CD44: variants seen among roughly 807,000 people sequenced by gnomAD.
The protein encoded by CD44 is CD44 molecule (IN blood group).
In CD44, 49 loss-of-function variants were observed where a neutral mutation model predicts 88.8. The observed-to-expected ratio is 0.55, with a 90% CI of 0.44 to 0.70. The LOEUF is 0.70. Among genes scored for constraint, CD44 ranks in the 30% least tolerant of loss-of-function variants. CD44 has a pLI of 0.00. For missense variants in CD44, 883 were observed against 913.8 expected (o/e 0.97, Z 0.43); for synonymous variants, 325 against 312.3 (o/e 1.04, Z -0.43).
intron 1 of CD44, among the ~76,000 whole-genome samples, chr11:35,144,293 G>A (rs546427109): frequency 2.0e-5 from 3 of 152,324 alleles, no homozygotes; most frequent in South Asian, 2.1e-4. Context: ...GAGCCTGAAA[G>A]GGAAGTGGTT....
At position 35,180,514 on chromosome 11, in the gene CD44, C is replaced by T. The variant is rs1006591952; in HGVS notation, c.367+107C>T. ...GTAGCCTCCATTTACATAACAAATGCTCACTGAATATCTGTACAGCAGAGC... is the reference window on the plus strand; with the variant it reads ...GTAGCCTCCATTTACATAACAAATGTTCACTGAATATCTGTACAGCAGAGC... On this transcript the variant is annotated intron_variant, in intron 3 of 17. Coordinates refer to ENST00000428726, the MANE Select transcript of CD44 (RefSeq NM_000610.4). The T allele has an allele frequency of 7.4e-6, 9 of 1,220,376 alleles. 1 individual carries two copies. Among genetic ancestry groups the T allele is most frequent in the Non-Finnish European group, 1.1e-5 (9 of 838,908 alleles). 75.6% of individuals were successfully genotyped at this position (1,220,376 alleles called of 1,614,324 possible). A position where few individuals can be genotyped will look rare whatever the true frequency, so the allele number is the denominator to read the frequency against.
At chr11:35,139,738 A>G (rs75624136) in intron 1 of CD44, 48,042 of 512,470 alleles carry the variant, frequency 0.094, 3,196 homozygotes, top group South Asian at 0.2. Context: ...GCCAAGCCCC[A>G]CCGGGCTGTG....
intron 1 of CD44, among the ~76,000 whole-genome samples, chr11:35,168,103 C>A (rs1324194155): frequency 2.0e-5 from 3 of 152,162 alleles, no homozygotes; most frequent in African/African-American, 4.8e-5. Context: ...TTGGTAAAGG[C>A]CCCTATCTTG....
chr11:35,172,182 C>T (rs539366794), intron 1 of CD44, among the ~76,000 whole-genome samples: 1 of 152,296 alleles, frequency 6.6e-6, no homozygotes, highest in African/African-American at 2.4e-5. Flanking sequence ...TCCACTTTTG[C>T]TTTGACTGGA....
intron 7 of CD44, among the ~76,000 whole-genome samples, chr11:35,199,547 G>A (rs1001218471): frequency 1.3e-5 from 2 of 151,210 alleles, no homozygotes; most frequent in Admixed American, 1.3e-4. Flanking sequence ...GAGAAGAAAG[G>A]GTCCAGAAAA....
intron 3 of CD44, among the ~76,000 whole-genome samples, chr11:35,183,064 A>C (rs1003753561): frequency 6.6e-6 from 1 of 152,212 alleles, no homozygotes; most frequent in African/African-American, 2.4e-5. Flanking sequence ...GGGTTAGTTC[A>C]GTTGAAAAGC....
intron 1 of CD44, 87 bp downstream of exon 1, chr11:35,139,457 C>T: frequency 8.5e-7 from 1 of 1,175,438 alleles, no homozygotes; most frequent in South Asian, 1.3e-5. Context: ...TGAGTCGGCC[C>T]TGGGGGACTG....
rs1400900475 is a variant in CD44 at position 35,139,258 on chromosome 11, A to T, written c.-46A>T. 1.3e-6 allele frequency: 2 copies of T among 1,499,168 alleles called. No individual in the cohort carries two copies. Among genetic ancestry groups the T allele is most frequent in the Admixed American group, 2.0e-5 (1 of 50,894 alleles). 92.9% of individuals were successfully genotyped at this position (1,499,168 alleles called of 1,614,324 possible). On this transcript the variant is annotated 5_prime_UTR_variant, in exon 1 of 18. Coordinates refer to ENST00000428726, the MANE Select transcript of CD44 (RefSeq NM_000610.4). ...GCCGGCCCCTGCCCCGCGCCCAGGG[A>T]TCCTCCAGCTCCTTTCGCCCGCGCC...
At chr11:35,222,616 T>TATAC (rs1491118809) in intron 17 of CD44, 6 of 554,392 alleles carry the variant, frequency 1.1e-5, no homozygotes, top group Admixed American at 6.7e-5. Flanking sequence ...TATATATATA[T>TATAC]ACACATACAT....
chr11:35,191,981 T>G (rs1431638022), intron 5 of CD44, among the ~76,000 whole-genome samples: 1 of 152,236 alleles, frequency 6.6e-6, no homozygotes, highest in Admixed American at 6.5e-5. Flanking sequence ...GTCTTCTGTA[T>G]GCCAGACACT....
chr11:35,142,620 T>A lies in CD44; in HGVS notation c.67+3250T>A, dbSNP rs74578623. ...ATGTGAAGGAGCAAAGAGGCAAAGC[T>A]TCATCTCTGTTGGGGCTAGCATCAA... On this transcript the variant is annotated intron_variant, in intron 1 of 17. Transcript: ENST00000428726. 8.6e-3 allele frequency among the ~76,000 whole-genome samples: 1,309 copies of A among 152,308 alleles called. 23 individuals are homozygous for A. Among genetic ancestry groups the A allele is most frequent in the African/African-American group, 0.03 (1,265 of 41,552 alleles).
intron 16 of CD44, 41 bp from the exon 17 acceptor site, chr11:35,221,613 T>C (rs1433364964): frequency 1.9e-6 from 3 of 1,541,172 alleles, no homozygotes; most frequent in African/African-American, 2.7e-5. Flanking sequence ...ACAAAGTGTG[T>C]CTCTGAAGCT....
At position 35,159,277 on chromosome 11, in the gene CD44, G is replaced by A. The variant is rs542356442; in HGVS notation, c.68-17298G>A. ...TTGCCTTTAGCTGCTTAGTTCTGCT[G>A]TCCTCTAAAGAAAACAAGATCTGGC... On this transcript the variant is annotated intron_variant, in intron 1 of 17. Transcript: ENST00000428726. 3.9e-5 allele frequency among the ~76,000 whole-genome samples: 6 copies of A among 152,284 alleles called. No homozygotes were observed. The East Asian group carries it at 1.2e-3, about 29-fold the overall frequency.
At position 35,180,310 on chromosome 11, in the gene CD44, G is replaced by T; in HGVS notation, c.270G>T (p.Arg90=). ...TAGAAGGGCACGTGGTGATTCCCCGGATCCACCCCAACTCCATCTGTGCAG... is the reference window on the plus strand; with the variant it reads ...TAGAAGGGCACGTGGTGATTCCCCGTATCCACCCCAACTCCATCTGTGCAG... The part of the protein sequence containing the change: ...GFIEGHVVIP[R]IHPNSICAAN... Residue 90 remains arginine (R), a synonymous_variant, in exon 3 of 18, where the codon CGG becomes CGT. Coordinates refer to ENST00000428726, the MANE Select transcript of CD44 (RefSeq NM_000610.4). The T allele has an allele frequency of 6.2e-7, 1 of 1,614,040 alleles. No individual in the cohort carries two copies. Among genetic ancestry groups the T allele is most frequent in the Admixed American group, 1.7e-5 (1 of 60,020 alleles).
chr11:35,190,161 C>T (rs1040182876), intron 5 of CD44, 96 bp downstream of exon 5: 6 of 1,062,530 alleles, frequency 5.6e-6, no homozygotes, highest in South Asian at 4.1e-5. Flanking sequence ...CTGATTTTCT[C>T]GTCTCTAGAC....
intron 9 of CD44, 86 bp from the exon 10 acceptor site, chr11:35,204,426 T>A: frequency 7.5e-7 from 1 of 1,338,458 alleles, no homozygotes; most frequent in East Asian, 2.3e-5. Context: ...CCCATGTGTA[T>A]CTGCCCTTAA....
intron 4 of CD44, among the ~76,000 whole-genome samples, chr11:35,187,875 C>T (rs1412105840): frequency 6.6e-6 from 1 of 152,146 alleles, no homozygotes; most frequent in East Asian, 1.9e-4. Flanking sequence ...TATTCGGGCA[C>T]TTTTTAAAAA....
At chr11:35,224,504 G>A (rs1200895947) in intron 17 of CD44, among the ~76,000 whole-genome samples, 3 of 152,122 alleles carry the variant, frequency 2.0e-5, no homozygotes, top group South Asian at 2.1e-4. Context: ...TTGGGAGGCC[G>A]AGGCAGTGGA....
At chr11:35,202,269 T>C (rs1947388050) in intron 9 of CD44, among the ~76,000 whole-genome samples, 1 of 152,336 alleles carries the variant, frequency 6.6e-6, no homozygotes, top group Middle Eastern at 3.4e-3. Flanking sequence ...TAGAGCAAAG[T>C]TGGTAGCTCT....
Sources: gnomAD v4.1 joint callset for allele counts (sites outside exome capture counted in the v4.1 genomes callset) on GRCh38, gnomAD v4.1.1 for gene constraint, MANE v1.5 for transcripts, NCBI Gene and HGNC (gene_info 2026-07-23, HGNC 2026-07-21) for gene names.